Variants in PDE4B observed in about 807,000 individuals in gnomAD.
The protein encoded by PDE4B is 3',5'-cyclic-AMP phosphodiesterase 4B.
A neutral mutation model predicts 82.2 loss-of-function variants in PDE4B; 20 were observed. That is an observed-to-expected ratio of 0.24 (90% CI 0.17 to 0.35). PDE4B has a LOEUF of 0.35. Among genes scored for constraint, PDE4B ranks in the 10% least tolerant of loss-of-function variants. The probability of loss-of-function intolerance (pLI) is 1.00; values close to 1 mark genes in which losing one functional copy is unlikely to be tolerated. For missense variants in PDE4B, 655 were observed against 907.2 expected, an observed-to-expected ratio of 0.72 and a Z score of 3.57; for synonymous variants, 320 against 318.9, an observed-to-expected ratio of 1.00 and a Z score of -0.04.
In PDE4B at chr1:66,166,869, G is replaced by A. The variant is rs551406428; in HGVS notation, c.282-80591G>A. ...ATTCAACAACAAAAAGCCACAGACC[G>A]TAACTAACAAATGGGCAAAGGATTT... On this transcript the variant is annotated intron_variant, in intron 3 of 16. Transcript: ENST00000341517. Among the ~76,000 whole-genome samples, 30 of 152,166 alleles carry A rather than the reference G, an allele frequency of 2.0e-4. 1 individual carries two copies. The highest frequency in any genetic ancestry group is 5.8e-4 in the African/African-American group (24 of 41,520).
chr1:66,126,583 C>T (rs1645828761), intron 3 of PDE4B, among the ~76,000 whole-genome samples: 1 of 152,060 alleles, frequency 6.6e-6, no homozygotes, highest in Non-Finnish European at 1.5e-5. Context: ...ACAGAACTGT[C>T]CTTAAAGCTT....
intron 3 of PDE4B, among the ~76,000 whole-genome samples, chr1:66,057,092 T>C (rs1909885): frequency 0.1 from 15,574 of 152,216 alleles, 941 homozygotes; most frequent in South Asian, 0.22. Context: ...TAAGCTTAAA[T>C]TATCATCCCC....
chr1:65,796,436 T>A (rs1645632380), intron 1 of PDE4B, among the ~76,000 whole-genome samples: 1 of 152,120 alleles, frequency 6.6e-6, no homozygotes, highest in South Asian at 2.1e-4. Flanking sequence ...TTCTCTTTGT[T>A]CAAATAGAAA....
chr1:66,260,746 AG>A (rs1207193959), intron 6 of PDE4B, among the ~76,000 whole-genome samples: 3 of 152,310 alleles, frequency 2.0e-5, no homozygotes, highest in Admixed American at 6.5e-5. Flanking sequence ...CTCAATAATC[AG>A]GCCTTTCCAA....
intron 4 of PDE4B, among the ~76,000 whole-genome samples, chr1:66,248,212 G>T (rs1653478741): frequency 2.0e-5 from 3 of 152,252 alleles, no homozygotes; most frequent in East Asian, 3.9e-4. Flanking sequence ...AAGCACTGCT[G>T]ATATTTTTGT....
chr1:65,803,743 G>C (rs751767839), intron 1 of PDE4B, among the ~76,000 whole-genome samples: 2 of 152,138 alleles, frequency 1.3e-5, no homozygotes, highest in African/African-American at 4.8e-5. Context: ...CCATATCTTG[G>C]AAACAATGAG....
At position 65,899,525 on chromosome 1, in the gene PDE4B, T is replaced by G. The variant is rs1348663559; in HGVS notation, c.-70-13720T>G. Among the ~76,000 whole-genome samples, 3 of 151,798 alleles carry G rather than the reference T, an allele frequency of 2.0e-5. No homozygotes were observed. In the East Asian group the frequency reaches 5.8e-4, roughly 29 times the overall value. On this transcript the variant is annotated intron_variant, in intron 1 of 16. Transcript: ENST00000341517. The stretch of plus-strand genomic sequence containing the variant: ...TACAAAAAAGATACTTGCACATGCA[T>G]GTTTATAGCTGCACAATTCGCAATT...
intron 3 of PDE4B, among the ~76,000 whole-genome samples, chr1:66,088,419 G>T (rs1644942342): frequency 6.6e-6 from 1 of 152,058 alleles, no homozygotes; most frequent in African/African-American, 2.4e-5. Flanking sequence ...ACATGGATTT[G>T]GGAGCATGGG....
chr1:66,190,250 G>C (rs1214420741), intron 3 of PDE4B, among the ~76,000 whole-genome samples: 2 of 152,294 alleles, frequency 1.3e-5, no homozygotes, highest in Admixed American at 6.5e-5. Context: ...CTCTACTGGG[G>C]GGTGCCTCCC....
chr1:65,967,902 G>A (rs1020612535), intron 3 of PDE4B, among the ~76,000 whole-genome samples: 1 of 152,032 alleles, frequency 6.6e-6, no homozygotes, highest in Non-Finnish European at 1.5e-5. Context: ...ATAACATTAG[G>A]AGAAATACTA....
At chr1:66,338,291 GA>G (rs1325484206) in intron 8 of PDE4B, among the ~76,000 whole-genome samples, 2 of 152,142 alleles carry the variant, frequency 1.3e-5, no homozygotes, top group Non-Finnish European at 1.5e-5. Flanking sequence ...TATAAAGAAA[GA>G]AAAAAGTTTA....
intron 1 of PDE4B, among the ~76,000 whole-genome samples, chr1:65,817,376 G>GAAAGGACTGAGCCTTATTGAAATTTA: frequency 6.6e-6 from 1 of 151,974 alleles, no homozygotes; most frequent in Non-Finnish European, 1.5e-5. Flanking sequence ...ATTGAAATTT[G>GAAAGGACTGAGCCTTATTGAAATTTA]AAAATGAAAG....
chr1:65,823,334 T>G (rs1169211470), intron 1 of PDE4B, among the ~76,000 whole-genome samples: 1 of 148,214 alleles, frequency 6.7e-6, no homozygotes. Flanking sequence ...AGGCAGAAGT[T>G]GCAGTGAGCC....
chr1:65,934,888 G>T (rs1268569927), intron 3 of PDE4B, among the ~76,000 whole-genome samples: 1 of 151,968 alleles, frequency 6.6e-6, no homozygotes, highest in Non-Finnish European at 1.5e-5. Flanking sequence ...CACACCTAAA[G>T]AAATAATACA....
chr1:66,018,151 C>T (rs78554590), intron 3 of PDE4B, among the ~76,000 whole-genome samples: 5,885 of 152,204 alleles, frequency 0.039, 481 homozygotes, highest in East Asian at 0.36. Context: ...GGCACGGTGG[C>T]TCACACCTGT....
At chr1:65,817,333 G>T (rs1212426563) in intron 1 of PDE4B, among the ~76,000 whole-genome samples, 1 of 152,044 alleles carries the variant, frequency 6.6e-6, no homozygotes, top group Non-Finnish European at 1.5e-5. Flanking sequence ...TTGGTGGCAG[G>T]GTAATGGAAG....
intron 12 of PDE4B, 117 bp from the exon 13 acceptor site, chr1:66,365,550 A>G: frequency 3.5e-6 from 2 of 566,386 alleles, no homozygotes; most frequent in East Asian, 2.8e-5. Context: ...TTGAGATATT[A>G]CATAAATCAA....
At chr1:66,032,705 G>A (rs1007353472) in intron 3 of PDE4B, among the ~76,000 whole-genome samples, 6 of 150,538 alleles carry the variant, frequency 4.0e-5, no homozygotes, top group Non-Finnish European at 2.9e-5. Flanking sequence ...AGCCAGGCTG[G>A]AGTGCAGTGG....
At chr1:66,132,450 G>A (rs1645968579) in intron 3 of PDE4B, among the ~76,000 whole-genome samples, 1 of 152,192 alleles carries the variant, frequency 6.6e-6, no homozygotes, top group Admixed American at 6.5e-5. Context: ...GGCTGACACA[G>A]TGTTCGTGCT....
Sources: allele counts gnomAD v4.1 joint callset (sites outside exome capture counted in the v4.1 genomes callset), GRCh38; gene constraint gnomAD v4.1.1; transcripts MANE v1.5; gene names NCBI Gene and HGNC (gene_info 2026-07-23, HGNC 2026-07-21).